CNTNAP2: variants seen among roughly 807,000 people sequenced by gnomAD.
CNTNAP2 encodes the protein contactin associated protein 2.
CNTNAP2 carries 98 observed loss-of-function variants against 155.2 expected under a neutral mutation model. That is an observed-to-expected ratio of 0.63 (90% confidence interval 0.54 to 0.75). The LOEUF is 0.75. Among genes scored for constraint, CNTNAP2 ranks in the 30% least tolerant of loss-of-function variants. CNTNAP2 has a pLI of 0.00. For synonymous variants in CNTNAP2, 651 were observed against 631.2 expected, an observed-to-expected ratio of 1.03 and a Z score of -0.47; for missense variants, 1,727 against 1,688.1, an observed-to-expected ratio of 1.02 and a Z score of -0.40.
At chr7:146,488,920 A>G (rs1797098910) in intron 1 of CNTNAP2, among the ~76,000 whole-genome samples, 1 of 152,210 alleles carries the variant, frequency 6.6e-6, no homozygotes, top group Non-Finnish European at 1.5e-5. Context: ...ACGCTAGGGC[A>G]CAACAGAAGT....
chr7:147,409,808 A>G (rs1051161003), intron 10 of CNTNAP2, among the ~76,000 whole-genome samples: 1 of 152,084 alleles, frequency 6.6e-6, no homozygotes, highest in Non-Finnish European at 1.5e-5. Context: ...AAAAACCTCA[A>G]CATCACTGAT....
At chr7:146,781,218 A>C (rs1585087613) in intron 2 of CNTNAP2, among the ~76,000 whole-genome samples, 1 of 132,830 alleles carries the variant, frequency 7.5e-6, no homozygotes. Context: ...ACAGAGCGAG[A>C]CTCCATCTCA....
At chr7:147,160,570 C>G (rs1802006230) in intron 8 of CNTNAP2, among the ~76,000 whole-genome samples, 1 of 151,632 alleles carries the variant, frequency 6.6e-6, no homozygotes, top group South Asian at 2.1e-4. Context: ...TACAATATGC[C>G]CATTATAGGA....
chr7:148,275,933 T>C (rs1455697579), intron 21 of CNTNAP2, among the ~76,000 whole-genome samples: 1 of 152,108 alleles, frequency 6.6e-6, no homozygotes, highest in Non-Finnish European at 1.5e-5. Context: ...GGTTGTGACA[T>C]CTTTGGAAAC....
At chr7:146,207,173 C>T (rs541619518) in intron 1 of CNTNAP2, among the ~76,000 whole-genome samples, 1 of 152,050 alleles carries the variant, frequency 6.6e-6, no homozygotes, top group African/African-American at 2.4e-5. Flanking sequence ...AGCTTTCATT[C>T]TAATTTATTG....
chr7:147,258,182 GTTA>G (rs577102527), intron 8 of CNTNAP2, among the ~76,000 whole-genome samples: 116 of 151,832 alleles, frequency 7.6e-4, no homozygotes, highest in African/African-American at 2.4e-3. Flanking sequence ...AATGAAATTG[GTTA>G]TTAAGTGAAT....
intron 9 of CNTNAP2, among the ~76,000 whole-genome samples, chr7:147,356,041 A>G (rs1350927971): frequency 6.6e-6 from 1 of 152,178 alleles, no homozygotes; most frequent in Non-Finnish European, 1.5e-5. Flanking sequence ...CCTCAATAAA[A>G]TACTAGCAAA....
intron 1 of CNTNAP2, among the ~76,000 whole-genome samples, chr7:146,204,857 A>G (rs1381639591): frequency 6.6e-6 from 1 of 152,008 alleles, no homozygotes; most frequent in Non-Finnish European, 1.5e-5. Context: ...TGGGACAGGC[A>G]ATGTAAGGAG....
At chr7:147,765,472 C>A (rs1797368764) in intron 13 of CNTNAP2, among the ~76,000 whole-genome samples, 1 of 152,080 alleles carries the variant, frequency 6.6e-6, no homozygotes, top group Non-Finnish European at 1.5e-5. Flanking sequence ...TAAGATGAGA[C>A]CCAGAAAAGC....
intron 3 of CNTNAP2, among the ~76,000 whole-genome samples, chr7:146,855,649 T>A (rs527684746): frequency 5.0e-4 from 76 of 151,834 alleles, no homozygotes; most frequent in African/African-American, 1.7e-3. Flanking sequence ...GTTGAAGCAT[T>A]TCTGAACATA....
intron 13 of CNTNAP2, among the ~76,000 whole-genome samples, chr7:147,796,681 C>CA (rs546533567): frequency 3.1e-4 from 47 of 151,950 alleles, no homozygotes; most frequent in African/African-American, 1.1e-3. Context: ...ACACAGATGA[C>CA]AAAAAAACAA....
intron 1 of CNTNAP2, among the ~76,000 whole-genome samples, chr7:146,286,605 C>G (rs147033451): frequency 6.6e-6 from 1 of 152,120 alleles, no homozygotes; most frequent in African/African-American, 2.4e-5. Context: ...GTTAAAAACC[C>G]CTGAATGACT....
rs553648001 is a variant in CNTNAP2, at chr7:147,475,956, A to T, written c.1671-9979A>T. On this transcript the variant is annotated intron_variant, in intron 10 of 23. Transcript: ENST00000361727. The stretch of plus-strand genomic sequence containing the variant: ...CTGGATTTTTAATTCTATTCTATTG[A>T]TCTATCTATATTTTAATACACCAAT... Among the ~76,000 whole-genome samples, 15 of 152,146 alleles carry T rather than the reference A, an allele frequency of 9.9e-5. No homozygotes were observed. In the East Asian group the frequency reaches 2.7e-3, roughly 27 times the overall value.
chr7:148,209,729 T>G (rs1180915705), intron 18 of CNTNAP2, among the ~76,000 whole-genome samples: 1 of 152,206 alleles, frequency 6.6e-6, no homozygotes, highest in East Asian at 1.9e-4. Flanking sequence ...CTTTCAAAAC[T>G]GAAATCAGAT....
In CNTNAP2 at chr7:147,919,308, G is replaced by T. The variant is rs144425615; in HGVS notation, c.2255+15587G>T. Reference sequence around the variant, plus strand: ...AGGTTTTGTTTTTGTTTTGAGACAGGTCTCACTGTGTCACCCAAGCTAGAG... The same window carrying T: ...AGGTTTTGTTTTTGTTTTGAGACAGTTCTCACTGTGTCACCCAAGCTAGAG... On this transcript the variant is annotated intron_variant, in intron 14 of 23. Coordinates refer to ENST00000361727, the MANE Select transcript of CNTNAP2 (RefSeq NM_014141.6). Among the ~76,000 whole-genome samples, 407 of 151,620 alleles carry T rather than the reference G, an allele frequency of 2.7e-3. 2 individuals are homozygous for T. The highest frequency in any genetic ancestry group is 9.4e-3 in the African/African-American group (388 of 41,316).
chr7:147,225,977 A>AAGAG (rs1803532380), intron 8 of CNTNAP2, among the ~76,000 whole-genome samples: 1 of 150,890 alleles, frequency 6.6e-6, no homozygotes, highest in African/African-American at 2.4e-5. Context: ...GAAAGAGAGA[A>AAGAG]AGAAAGAGAG....
chr7:147,367,221 A>G (rs7810103), intron 9 of CNTNAP2, among the ~76,000 whole-genome samples: 35,161 of 152,136 alleles, frequency 0.23, 4,416 homozygotes, highest in Non-Finnish European at 0.28. Context: ...GTCTTTATTG[A>G]AGAGAGGCAC....
intron 9 of CNTNAP2, among the ~76,000 whole-genome samples, chr7:147,301,590 CTCTGTGTGTGTGTGTGTGTGTGTG>C (rs1297762576): frequency 1.3e-4 from 15 of 111,634 alleles, no homozygotes; most frequent in South Asian, 3.7e-4. Flanking sequence ...CTCTCTCTCT[CTCTGTGTGTGTGTGTGTGTGTGTG>C]TGTGTGTGTG....
chr7:146,986,372 T>C lies in CNTNAP2; in HGVS notation c.403-57535T>C, dbSNP rs142757640. Among the ~76,000 whole-genome samples, 586 of 152,318 alleles carry C rather than the reference T, an allele frequency of 3.8e-3. 2 individuals are homozygous for C. Among genetic ancestry groups the C allele is most frequent in the African/African-American group, 0.013 (540 of 41,570 alleles). ...GCTGAGCAGTATTCCATCATATATA[T>C]GTACACCGCAGTTTCTTTATCCACT... is the stretch of plus-strand genomic sequence containing the variant. On this transcript the variant is annotated intron_variant, in intron 3 of 23. Coordinates refer to ENST00000361727, the MANE Select transcript of CNTNAP2 (RefSeq NM_014141.6).
Sources: allele counts gnomAD v4.1 joint callset (sites outside exome capture counted in the v4.1 genomes callset), GRCh38; gene constraint gnomAD v4.1.1; transcripts MANE v1.5; gene names NCBI Gene and HGNC (gene_info 2026-07-23, HGNC 2026-07-21).